The following PTPRD variants were observed in gnomAD, a reference collection of about 807,000 sequenced individuals.
PTPRD encodes protein tyrosine phosphatase receptor type D.
A neutral mutation model predicts 214.5 loss-of-function variants in PTPRD; 34 were observed. That is an observed-to-expected ratio of 0.16 (90% CI 0.12 to 0.21). The LOEUF (loss-of-function observed/expected upper bound fraction) is 0.21, where lower values mean the gene tolerates loss of function less well. PTPRD is among the 10% of genes least tolerant of loss of function. The pLI, the probability that PTPRD is intolerant of heterozygous loss-of-function variation, is 1.00. For missense variants in PTPRD, 2,545 were observed against 2,398.7 expected (o/e 1.06, Z -1.27); for synonymous variants, 1,128 against 845.7 (o/e 1.33, Z -5.79).
chr9:9,378,580 A>T (rs2061397965), intron 9 of PTPRD, among the ~76,000 whole-genome samples: 1 of 152,150 alleles, frequency 6.6e-6, no homozygotes, highest in African/African-American at 2.4e-5. Flanking sequence ...TAGTTTTGTA[A>T]GAAACTGCAA....
chr9:10,495,754 A>G (rs1009599783), intron 2 of PTPRD, among the ~76,000 whole-genome samples: 12 of 151,848 alleles, frequency 7.9e-5, no homozygotes, highest in Non-Finnish European at 1.6e-4. Flanking sequence ...GCTAAGAAAC[A>G]ACATGATTGC....
intron 5 of PTPRD, among the ~76,000 whole-genome samples, chr9:9,822,858 C>T (rs1409089959): frequency 6.6e-6 from 1 of 152,052 alleles, no homozygotes; most frequent in Non-Finnish European, 1.5e-5. Context: ...TGCTCATACA[C>T]TGTTGGTGGG....
intron 5 of PTPRD, among the ~76,000 whole-genome samples, chr9:9,775,114 C>A (rs2154485117): frequency 6.6e-6 from 1 of 152,300 alleles, no homozygotes; most frequent in Non-Finnish European, 1.5e-5. Context: ...TATCATCAGT[C>A]TGTAACAGGC....
At chr9:9,405,286 T>C (rs918801296) in intron 8 of PTPRD, among the ~76,000 whole-genome samples, 4 of 152,108 alleles carry the variant, frequency 2.6e-5, no homozygotes, top group Admixed American at 1.3e-4. Context: ...TTTTGCAAGT[T>C]ATAACTGAAC....
intron 14 of PTPRD, among the ~76,000 whole-genome samples, chr9:8,624,563 G>A (rs2095948518): frequency 1.3e-5 from 2 of 151,820 alleles, no homozygotes; most frequent in African/African-American, 4.8e-5. Flanking sequence ...AATAAAGGGA[G>A]AAGGAAGGAA....
intron 9 of PTPRD, among the ~76,000 whole-genome samples, chr9:9,289,986 G>A (rs926247003): frequency 6.6e-6 from 1 of 151,730 alleles, no homozygotes; most frequent in African/African-American, 2.4e-5. Context: ...AAATTAGGTT[G>A]TTGAATCATG....
intron 7 of PTPRD, among the ~76,000 whole-genome samples, chr9:9,620,194 A>C (rs756041844): frequency 1.1e-4 from 17 of 152,184 alleles, no homozygotes; most frequent in Non-Finnish European, 2.2e-4. Flanking sequence ...ATGAATATTC[A>C]GAAGAGCACA....
intron 5 of PTPRD, among the ~76,000 whole-genome samples, chr9:9,854,159 C>A (rs1315659670): frequency 6.6e-6 from 1 of 152,148 alleles, no homozygotes; most frequent in Admixed American, 6.5e-5. Flanking sequence ...ATTACTCTAA[C>A]CTGCTATTTA....
At chr9:10,436,285 A>T (rs112754119) in intron 2 of PTPRD, among the ~76,000 whole-genome samples, 6 of 151,940 alleles carry the variant, frequency 3.9e-5, no homozygotes, top group African/African-American at 1.4e-4. Flanking sequence ...CACATATATA[A>T]ATCACATAAA....
intron 5 of PTPRD, among the ~76,000 whole-genome samples, chr9:9,790,438 G>A (rs181640347): frequency 6.6e-6 from 1 of 152,224 alleles, no homozygotes; most frequent in Non-Finnish European, 1.5e-5. Context: ...CCTAACTAAG[G>A]CTTTGCTGCC....
chr9:10,368,038 GA>G (rs1402897024), intron 2 of PTPRD, among the ~76,000 whole-genome samples: 3 of 151,956 alleles, frequency 2.0e-5, no homozygotes, highest in South Asian at 4.1e-4. Context: ...AATAGTATTA[GA>G]AATAAGCTAG....
intron 11 of PTPRD, among the ~76,000 whole-genome samples, chr9:8,771,297 A>G (rs2095193992): frequency 1.3e-5 from 2 of 152,196 alleles, no homozygotes; most frequent in African/African-American, 4.8e-5. Flanking sequence ...AGTTTTTCCC[A>G]TTATGGAGGA....
chr9:9,883,134 A>ATT (rs1471300954), intron 5 of PTPRD, among the ~76,000 whole-genome samples: 49 of 152,250 alleles, frequency 3.2e-4, no homozygotes, highest in African/African-American at 1.2e-3. Flanking sequence ...CCTTTACAGC[A>ATT]ACGCAAAATG....
chr9:8,879,668 T>C (rs1235101052), intron 11 of PTPRD, among the ~76,000 whole-genome samples: 1 of 152,230 alleles, frequency 6.6e-6, no homozygotes, highest in African/African-American at 2.4e-5. Flanking sequence ...TTAATTTTAA[T>C]GATTTGAAAC....
Position 8,832,077 on chromosome 9 carries a change from G to A in PTPRD, c.-103-98131C>T, listed in dbSNP as rs2097303810. 2.0e-5 allele frequency among the ~76,000 whole-genome samples: 3 copies of A among 150,200 alleles called. No individual in the cohort carries two copies. The Admixed American group carries it at 2.0e-4, about 10-fold the overall frequency. ...TAATGTGCACTGAATGCAAACAGTA[G>A]CCGGTGATTTAAATATGTATGTGTA... On this transcript the variant is annotated intron_variant, in intron 11 of 45. Coordinates refer to ENST00000381196, the MANE Select transcript of PTPRD (RefSeq NM_002839.4).
intron 7 of PTPRD, among the ~76,000 whole-genome samples, chr9:9,625,746 A>G (rs10759082): frequency 0.31 from 47,387 of 152,000 alleles, 7,896 homozygotes; most frequent in Middle Eastern, 0.41. Flanking sequence ...GTTTCTTCAC[A>G]TGCAACAAGT....
intron 5 of PTPRD, among the ~76,000 whole-genome samples, chr9:9,772,991 A>T (rs1196078528): frequency 5.3e-5 from 8 of 152,178 alleles, no homozygotes; most frequent in African/African-American, 1.9e-4. Flanking sequence ...TAAATGCCTT[A>T]TCATAGAATA....
At position 9,758,765 on chromosome 9, in the gene PTPRD, C is replaced by T. The variant is rs79988140; in HGVS notation, c.-326+8045G>A. ...CACCCCCAACCCCCATCCCACTACTCCCACCCCCCATATATTCAGAGCAAC... is the reference window on the plus strand; with the variant it reads ...CACCCCCAACCCCCATCCCACTACTTCCACCCCCCATATATTCAGAGCAAC... On this transcript the variant is annotated intron_variant, in intron 6 of 45. Transcript: ENST00000381196. 0.036 allele frequency among the ~76,000 whole-genome samples: 5,182 copies of T among 143,110 alleles called. 506 individuals are homozygous for T. The East Asian group carries it at 0.39, about 11-fold the overall frequency. The allele number at this position is 143,110 out of a possible 152,430, so 93.9% of individuals were successfully genotyped here. A position where few individuals can be genotyped will look rare whatever the true frequency, so the allele number is the denominator to read the frequency against.
intron 3 of PTPRD, among the ~76,000 whole-genome samples, chr9:10,222,731 A>G (rs2099575361): frequency 6.6e-6 from 1 of 152,074 alleles, no homozygotes; most frequent in Non-Finnish European, 1.5e-5. Context: ...TCAAATGACT[A>G]TGCAATTCCT....
Sources: allele counts gnomAD v4.1 joint callset (sites outside exome capture counted in the v4.1 genomes callset), GRCh38; gene constraint gnomAD v4.1.1; transcripts MANE v1.5; gene names NCBI Gene and HGNC (gene_info 2026-07-23, HGNC 2026-07-21).